The following ALK variants were observed in gnomAD, a reference collection of about 807,000 sequenced individuals.
The protein encoded by ALK is ALK tyrosine kinase receptor.
ALK carries 74 observed loss-of-function variants against 163.1 expected under a neutral mutation model. The ratio of observed to expected loss-of-function variants is 0.45; its 90% CI spans 0.38 to 0.55. The LOEUF is 0.55. Among genes scored for constraint, ALK ranks in the 20% least tolerant of loss-of-function variants. ALK has a pLI of 0.00. For missense variants in ALK, 2,063 were observed against 2,105.3 expected (o/e 0.98, Z 0.39); for synonymous variants, 960 against 843.2 (o/e 1.14, Z -2.40).
chr2:29,546,106 A>G lies in ALK; in HGVS notation c.953-13990T>C, dbSNP rs74348039. ...TACACATATGTACGGATGTATATGTATGTCTATGTGTGGAGGAGTACGTTT... is the reference window on the plus strand; with the variant it reads ...TACACATATGTACGGATGTATATGTGTGTCTATGTGTGGAGGAGTACGTTT... On this transcript the variant is annotated intron_variant, in intron 3 of 28. Transcript: ENST00000389048. Among the ~76,000 whole-genome samples the G allele has an allele frequency of 9.0e-3, 1,373 of 152,316 alleles. 19 individuals carry two copies. The highest frequency in any genetic ancestry group is 0.027 in the African/African-American group (1,118 of 41,582).
chr2:29,495,139 G>A (rs1033329901), intron 4 of ALK, among the ~76,000 whole-genome samples: 9 of 152,112 alleles, frequency 5.9e-5, no homozygotes, highest in Admixed American at 2.0e-4. Context: ...TCACAGAGCC[G>A]GGGTGGACTT....
intron 25 of ALK, among the ~76,000 whole-genome samples, chr2:29,208,960 A>G (rs970155104): frequency 4.0e-5 from 6 of 149,752 alleles, no homozygotes; most frequent in Admixed American, 2.0e-4. Context: ...TGTGACAGGG[A>G]AAAAAAAAAT....
intron 3 of ALK, among the ~76,000 whole-genome samples, chr2:29,624,952 A>G (rs972081171): frequency 1.3e-5 from 2 of 152,124 alleles, no homozygotes; most frequent in Non-Finnish European, 2.9e-5. Flanking sequence ...CTAGGTGGGG[A>G]GATAAGACTG....
chr2:29,738,047 G>C (rs2148322394), intron 1 of ALK, among the ~76,000 whole-genome samples: 1 of 152,116 alleles, frequency 6.6e-6, no homozygotes, highest in Middle Eastern at 3.4e-3. Flanking sequence ...AAAAAGGGTA[G>C]AGATCATCAG....
intron 5 of ALK, among the ~76,000 whole-genome samples, chr2:29,362,331 CT>C (rs1163829456): frequency 6.6e-6 from 1 of 152,202 alleles, no homozygotes; most frequent in Non-Finnish European, 1.5e-5. Context: ...AACTCACAAT[CT>C]GGCACATAGT....
intron 1 of ALK, among the ~76,000 whole-genome samples, chr2:29,877,919 T>C (rs1043831470): frequency 7.2e-5 from 11 of 152,174 alleles, no homozygotes; most frequent in Non-Finnish European, 1.0e-4. Flanking sequence ...TGCCCAACCC[T>C]AGGATTCTGG....
intron 1 of ALK, among the ~76,000 whole-genome samples, chr2:29,733,327 G>A (rs1267594230): frequency 6.6e-6 from 1 of 152,134 alleles, no homozygotes; most frequent in African/African-American, 2.4e-5. Flanking sequence ...CAAGAGATAT[G>A]GAATTTATAA....
chr2:29,300,361 A>C (rs4666198), intron 8 of ALK, among the ~76,000 whole-genome samples: 112,547 of 151,706 alleles, frequency 0.74, 42,776 homozygotes, highest in East Asian at 0.83. Context: ...CCAGCCTGGC[A>C]AACATGGTGA....
At chr2:29,598,929 A>G (rs1675294834) in intron 3 of ALK, among the ~76,000 whole-genome samples, 1 of 152,186 alleles carries the variant, frequency 6.6e-6, no homozygotes, top group Non-Finnish European at 1.5e-5. Context: ...GTTCCCTGTT[A>G]CAAAATATAT....
intron 5 of ALK, among the ~76,000 whole-genome samples, chr2:29,357,881 A>G (rs921222158): frequency 1.1e-4 from 17 of 152,374 alleles, no homozygotes; most frequent in Admixed American, 1.1e-3. Flanking sequence ...GATTTCAGAG[A>G]TGCTTAATAA....
chr2:29,656,059 A>G (rs1677175945), intron 3 of ALK, among the ~76,000 whole-genome samples: 1 of 152,206 alleles, frequency 6.6e-6, no homozygotes, highest in Admixed American at 6.5e-5. Context: ...CAGAGGAGAC[A>G]CTAGAACATT....
chr2:29,287,530 C>A (rs1005489869), intron 9 of ALK, among the ~76,000 whole-genome samples: 8 of 151,878 alleles, frequency 5.3e-5, no homozygotes, highest in African/African-American at 1.9e-4. Flanking sequence ...GTAATTCTAA[C>A]CCTGAAAAAA....
At chr2:29,219,441 G>A (rs1285004824) in intron 23 of ALK, among the ~76,000 whole-genome samples, 1 of 152,188 alleles carries the variant, frequency 6.6e-6, no homozygotes. Flanking sequence ...GAGCAGTGTG[G>A]TCAGGTTGGG....
At chr2:29,344,482 G>C (rs995412238) in intron 5 of ALK, among the ~76,000 whole-genome samples, 1 of 152,222 alleles carries the variant, frequency 6.6e-6, no homozygotes, top group African/African-American at 2.4e-5. Context: ...TACCATGCTA[G>C]AGAGGTCAGG....
At chr2:29,330,767 G>T (rs1463240607) in intron 5 of ALK, among the ~76,000 whole-genome samples, 2 of 152,158 alleles carry the variant, frequency 1.3e-5, no homozygotes, top group Non-Finnish European at 2.9e-5. Flanking sequence ...GGGACTATGA[G>T]GGTGGAAGCA....
At position 29,682,254 on chromosome 2, in the gene ALK, A is replaced by G. The variant is rs11883828; in HGVS notation, c.952+12596T>C. Among the ~76,000 whole-genome samples, 551 of 152,298 alleles carry G rather than the reference A, an allele frequency of 3.6e-3. 4 individuals are homozygous for G. Among genetic ancestry groups the G allele is most frequent in the African/African-American group, 0.013 (521 of 41,576 alleles). On this transcript the variant is annotated intron_variant, in intron 3 of 28. Transcript: ENST00000389048. The stretch of plus-strand genomic sequence containing the variant: ...CAGCAAAAATGAGAGAAATGAATGA[A>G]GCACTCATTTGAGGGCTGGGCAATT...
At chr2:29,701,643 C>A (rs1312403685) in intron 2 of ALK, among the ~76,000 whole-genome samples, 1 of 152,136 alleles carries the variant, frequency 6.6e-6, no homozygotes, top group Non-Finnish European at 1.5e-5. Flanking sequence ...TATAGAAGAG[C>A]CCTGACCCCC....
intron 4 of ALK, among the ~76,000 whole-genome samples, chr2:29,465,737 C>A (rs896754355): frequency 1.3e-5 from 2 of 151,836 alleles, no homozygotes; most frequent in Non-Finnish European, 2.9e-5. Context: ...GTTCTTCAGG[C>A]AGAAGGCAAA....
At chr2:29,327,840 T>C (rs1667317706) in intron 6 of ALK, among the ~76,000 whole-genome samples, 1 of 152,140 alleles carries the variant, frequency 6.6e-6, no homozygotes, top group African/African-American at 2.4e-5. Context: ...AGGGAGGCTT[T>C]CTGAAAGAAT....
Sources: gnomAD v4.1 joint callset for allele counts (sites outside exome capture counted in the v4.1 genomes callset) on GRCh38, gnomAD v4.1.1 for gene constraint, MANE v1.5 for transcripts, NCBI Gene and HGNC (gene_info 2026-07-23, HGNC 2026-07-21) for gene names.